Variants in ISL1 observed in about 807,000 individuals in gnomAD.
ISL1 encodes the protein ISL LIM homeobox 1.
In ISL1, 4 loss-of-function variants were observed where a neutral mutation model predicts 35.3. That is an observed-to-expected ratio of 0.11 (90% CI 0.06 to 0.26). The LOEUF (loss-of-function observed/expected upper bound fraction) is 0.26. ISL1 is among the 10% of genes least tolerant of loss of function. ISL1 has a pLI of 1.00. For missense variants in ISL1, 340 were observed against 472.8 expected, an observed-to-expected ratio of 0.72 and a Z score of 2.60; for synonymous variants, 186 against 172.3, an observed-to-expected ratio of 1.08 and a Z score of -0.62.
At chr5:51,391,483 A>T in intron 5 of ISL1, 42 bp downstream of exon 5, 2 of 1,607,996 alleles carry the variant, frequency 1.2e-6, no homozygotes, top group Non-Finnish European at 1.7e-6. Context: ...AATTCCCAAC[A>T]GGAGACTCTG....
chr5:51,384,406 A>G, intron 1 of ISL1, 135 bp from the exon 2 acceptor site: 5 of 686,562 alleles, frequency 7.3e-6, no homozygotes, highest in Non-Finnish European at 1.2e-5. Context: ...AATGCTCTAA[A>G]AAAAAAAAAA....
At position 51,390,636 on chromosome 5, in the gene ISL1, C is replaced by CCTTTTT. The variant is rs1747475980; in HGVS notation, c.766-638_766-637insCTTTTT. Among the ~76,000 whole-genome samples, 84 of 74,314 alleles carry CCTTTTT rather than the reference C, an allele frequency of 1.1e-3. 2 individuals are homozygous for CCTTTTT. Among genetic ancestry groups the CCTTTTT allele is most frequent in the African/African-American group, 3.4e-3 (81 of 23,660 alleles). The allele number at this position is 74,314 out of a possible 152,430, so 48.8% of individuals were successfully genotyped here. Reference sequence around the variant, plus strand: ...TTTTCTTCCTTTTTTTCTTTTCTTTCTTTTTCTTTTTTTTTTTTTTTTTTT... The same window carrying CCTTTTT: ...TTTTCTTCCTTTTTTTCTTTTCTTTCCTTTTTTTTTTCTTTTTTTTTTTTTTTTTTT... On this transcript the variant is annotated intron_variant, in intron 4 of 5. Coordinates refer to ENST00000230658, the MANE Select transcript of ISL1 (RefSeq NM_002202.3).
In ISL1 at chr5:51,387,661, A is replaced by C; in HGVS notation, c.390A>C (p.Arg130=). 6.2e-7 allele frequency: 1 copy of C among 1,614,188 alleles called. No homozygotes were observed. The highest frequency in any genetic ancestry group is 8.5e-7 in the Non-Finnish European group (1 of 1,180,042). Residue 130 remains arginine, a synonymous_variant, in exon 3 of 6, where the codon CGA becomes CGC. Coordinates refer to ENST00000230658, the MANE Select transcript of ISL1 (RefSeq NM_002202.3). The surrounding 1 kb of genome is among the most constrained non-coding windows in gnomAD (Gnocchi z 4.3). The part of the protein sequence containing the change: ...FALREDGLFC[R]ADHDVVERAS... ...TTCGGGAGGACGGTCTCTTCTGCCG[A>C]GCAGACCACGATGTGGTGGAGAGGG...
rs1281679015 is a variant in ISL1 at position 51,383,603 on chromosome 5, C to T, written c.-69C>T. On this transcript the variant is annotated 5_prime_UTR_variant, in exon 1 of 6. Transcript: ENST00000230658. The stretch of plus-strand genomic sequence containing the variant: ...TCCCACTTAGCCACAGCTCCAGCAT[C>T]CTCTCTGTGGGCTGTTCACCAACTG... 5 of 1,286,916 alleles carry T rather than the reference C, an allele frequency of 3.9e-6. No homozygotes were observed. Among genetic ancestry groups the T allele is most frequent in the South Asian group, 1.2e-5 (1 of 84,518 alleles). 79.7% of individuals were successfully genotyped at this position (1,286,916 alleles called of 1,614,324 possible). A position where few individuals can be genotyped will look rare whatever the true frequency, so the allele number is the denominator to read the frequency against.
rs1580725951 is a variant in ISL1 at position 51,383,755 on chromosome 5, C to G, written c.28+56C>G. 8.2e-6 allele frequency: 12 copies of G among 1,464,656 alleles called. No individual in the cohort carries two copies. The South Asian group carries it at 1.4e-4, about 17-fold the overall frequency. The allele number at this position is 1,464,656 out of a possible 1,614,324, so 90.7% of individuals were successfully genotyped here. Reference sequence around the variant, plus strand: ...GTGTGCTGTTCTTGTGCGGGGTTCTCTCTCAGGCACAGGCTGAGGTGCCAA... The same window carrying G: ...GTGTGCTGTTCTTGTGCGGGGTTCTGTCTCAGGCACAGGCTGAGGTGCCAA... On this transcript the variant is annotated intron_variant, in intron 1 of 5. Coordinates refer to ENST00000230658, the MANE Select transcript of ISL1 (RefSeq NM_002202.3).
Position 51,389,891 on chromosome 5 carries a change from A to C in ISL1, c.724A>C (p.Met242Leu). 1 of 1,614,052 alleles carries C rather than the reference A, an allele frequency of 6.2e-7. No individual in the cohort carries two copies. The highest frequency in any genetic ancestry group is 2.2e-5 in the East Asian group (1 of 44,882). The part of the protein sequence containing the change: ...KRCKDKKRSI[M>L]MKQLQQQQPN... ...GTGCAAGGACAAGAAGCGAAGCATC[A>C]TGATGAAGCAACTCCAGCAGCAGCA... The change falls in exon 4 of 6, where the codon ATG (methionine) becomes CTG (leucine). Residue 242 changes from methionine to leucine, a missense_variant. Met to Leu is a conservative substitution (Grantham distance 15). Around this residue, in one of 7 missense-constraint regions of ISL1, gnomAD observed 25 missense variants for 43.2 expected, o/e 0.58. Transcript: ENST00000230658. This position sits in a 1 kb window ranked among gnomAD's most constrained non-coding sequence, Gnocchi z 5.0.
rs1360595769 is a variant in ISL1, at chr5:51,389,456, C to T, written c.479-190C>T. On this transcript the variant is annotated intron_variant, in intron 3 of 5. Coordinates refer to ENST00000230658, the MANE Select transcript of ISL1 (RefSeq NM_002202.3). The surrounding 1 kb of genome is among the most constrained non-coding windows in gnomAD (Gnocchi z 5.0). ...TATTCTCCCTTTCACCCTCTTCGCC[C>T]CCACCTCTGCCGCCCCCTGCTTTGT... Among the ~76,000 whole-genome samples the T allele has an allele frequency of 2.0e-5, 3 of 152,024 alleles. No individual in the cohort carries two copies. Among genetic ancestry groups the T allele is most frequent in the African/African-American group, 7.2e-5 (3 of 41,400 alleles).
At position 51,387,475 on chromosome 5, in the gene ISL1, C is replaced by A. The variant is rs17847230; in HGVS notation, c.219-15C>A. The A allele has an allele frequency of 6.2e-7, 1 of 1,613,676 alleles. No individual in the cohort carries two copies. Among genetic ancestry groups the A allele is most frequent in the Non-Finnish European group, 8.5e-7 (1 of 1,179,834 alleles). On this transcript the variant is annotated splice_polypyrimidine_tract_variant and intron_variant, in intron 2 of 5. Coordinates refer to ENST00000230658, the MANE Select transcript of ISL1 (RefSeq NM_002202.3). The surrounding 1 kb of genome is among the most constrained non-coding windows in gnomAD (Gnocchi z 4.3). ...CCCGCTCTGGGCCGCCTCCGCTCCC[C>A]CCTCCCCCGCACAGGTTGTACGGGA... is the stretch of plus-strand genomic sequence containing the variant.
In ISL1 at chr5:51,389,252, G is replaced by C. The variant is rs1016778135; in HGVS notation, c.479-394G>C. 6.6e-6 allele frequency among the ~76,000 whole-genome samples: 1 copy of C among 152,088 alleles called. No homozygotes were observed. Among genetic ancestry groups the C allele is most frequent in the African/African-American group, 2.4e-5 (1 of 41,410 alleles). ...AACTGGGGCCCAGTCTGGGCACAAG[G>C]AAAGGTGAGAATGGAGGAGAAACAG... On this transcript the variant is annotated intron_variant, in intron 3 of 5. Coordinates refer to ENST00000230658, the MANE Select transcript of ISL1 (RefSeq NM_002202.3). The surrounding 1 kb of genome is among the most constrained non-coding windows in gnomAD (Gnocchi z 5.0).
At position 51,387,965 on chromosome 5, in the gene ISL1, CTG is replaced by C. The variant is rs537949421; in HGVS notation, c.478+222_478+223del. 2.0e-5 allele frequency among the ~76,000 whole-genome samples: 3 copies of C among 152,396 alleles called. No individual in the cohort carries two copies. In the South Asian group the frequency reaches 6.2e-4, roughly 32 times the overall value. On this transcript the variant is annotated intron_variant, in intron 3 of 5. Transcript: ENST00000230658. This position sits in a 1 kb window ranked among gnomAD's most constrained non-coding sequence, Gnocchi z 4.3. ...GATTCCCCGAGCACACCTACACCGT[CTG>C]TGTGTCTCTATATGGTTACACATAA...
At position 51,389,526 on chromosome 5, in the gene ISL1, C is replaced by A. The variant is rs956387195; in HGVS notation, c.479-120C>A. On this transcript the variant is annotated intron_variant, in intron 3 of 5. Coordinates refer to ENST00000230658, the MANE Select transcript of ISL1 (RefSeq NM_002202.3). The surrounding 1 kb of genome is among the most constrained non-coding windows in gnomAD (Gnocchi z 5.0). ...TAGCCATTGTCCTGAGTATCTCGGG[C>A]GGGCGAGCAAGTAAGCGGGCGGGCG... 1 of 828,466 alleles carries A rather than the reference C, an allele frequency of 1.2e-6. No individual in the cohort carries two copies. The highest frequency in any genetic ancestry group is 6.0e-5 in the Admixed American group (1 of 16,572). 51.3% of individuals were successfully genotyped at this position (828,466 alleles called of 1,614,324 possible). A position where few individuals can be genotyped will look rare whatever the true frequency, so the allele number is the denominator to read the frequency against.
chr5:51,389,725 T>G lies in ISL1; in HGVS notation c.558T>G (p.Thr186=), dbSNP rs1747441557. 3.1e-6 allele frequency: 5 copies of G among 1,614,110 alleles called. No individual in the cohort carries two copies. Among genetic ancestry groups the G allele is most frequent in the Non-Finnish European group, 4.2e-6 (5 of 1,180,042 alleles). Residue 186 remains threonine (T), a synonymous_variant, in exon 4 of 6, where the codon ACT becomes ACG. Coordinates refer to ENST00000230658, the MANE Select transcript of ISL1 (RefSeq NM_002202.3). This position sits in a 1 kb window ranked among gnomAD's most constrained non-coding sequence, Gnocchi z 5.0. ...CGGAGAAGACCACCCGCGTGCGGAC[T>G]GTGCTGAACGAGAAGCAGCTGCACA... ...KQPEKTTRVR[T]VLNEKQLHTL...
chr5:51,391,677 C>T (rs1747519124), intron 5 of ISL1, among the ~76,000 whole-genome samples: 1 of 151,734 alleles, frequency 6.6e-6, no homozygotes, highest in Admixed American at 6.6e-5. Flanking sequence ...AATTTTCTAT[C>T]AATCAGGCCT....
Position 51,389,598 on chromosome 5 carries a change from G to C in ISL1, c.479-48G>C, listed in dbSNP as rs555492328. On this transcript the variant is annotated intron_variant, in intron 3 of 5. Transcript: ENST00000230658. The surrounding 1 kb of genome is among the most constrained non-coding windows in gnomAD (Gnocchi z 5.0). Reference sequence around the variant, plus strand: ...GCGAGCGCGCGACCGCGGGCGGGCCGGCAAGCGAGCCTCCAGCCCAGCGCT... The same window carrying C: ...GCGAGCGCGCGACCGCGGGCGGGCCCGCAAGCGAGCCTCCAGCCCAGCGCT... 6 of 1,460,048 alleles carry C rather than the reference G, an allele frequency of 4.1e-6. No individual in the cohort carries two copies. The highest frequency in any genetic ancestry group is 5.4e-6 in the Non-Finnish European group (6 of 1,111,486). The allele number at this position is 1,460,048 out of a possible 1,614,324, so 90.4% of individuals were successfully genotyped here.
chr5:51,389,558 C>G lies in ISL1; in HGVS notation c.479-88C>G, dbSNP rs1057369429. On this transcript the variant is annotated intron_variant, in intron 3 of 5. Transcript: ENST00000230658. This position sits in a 1 kb window ranked among gnomAD's most constrained non-coding sequence, Gnocchi z 5.0. ...GCAAGTAAGCGGGCGGGCGGGCGGGCAAGCGAGCGAGCGAGCGAGCGCGCG... is the reference window on the plus strand; with the variant it reads ...GCAAGTAAGCGGGCGGGCGGGCGGGGAAGCGAGCGAGCGAGCGAGCGCGCG... 1.6e-6 allele frequency: 2 copies of G among 1,219,556 alleles called. No homozygotes were observed. The highest frequency in any genetic ancestry group is 6.3e-5 in the East Asian group (2 of 31,734). The allele number at this position is 1,219,556 out of a possible 1,614,324, so 75.5% of individuals were successfully genotyped here.
chr5:51,386,006 G>A (rs1423292316), intron 2 of ISL1, among the ~76,000 whole-genome samples: 2 of 151,966 alleles, frequency 1.3e-5, no homozygotes, highest in African/African-American at 4.8e-5. Context: ...TTAATACTTC[G>A]GAGAGGGAGT....
At chr5:51,392,092 T>C (rs1747528144) in intron 5 of ISL1, among the ~76,000 whole-genome samples, 1 of 152,086 alleles carries the variant, frequency 6.6e-6, no homozygotes, top group Admixed American at 6.5e-5. Context: ...AGTTCAAATG[T>C]CATAGAGACA....
At position 51,384,415 on chromosome 5, in the gene ISL1, A is replaced by AAAAAGAAAG. The variant is rs370134585; in HGVS notation, c.29-123_29-122insAGAAAGAAA. ...AAGTGCAATGCTCTAAAAAAAAAAAAAAAGAAAGAAAGAAAGAAAGAAAAA... is the reference window on the plus strand; with the variant it reads ...AAGTGCAATGCTCTAAAAAAAAAAAAAAAAGAAAGAAAGAAAGAAAGAAAGAAAGAAAAA... On this transcript the variant is annotated intron_variant, in intron 1 of 5. Coordinates refer to ENST00000230658, the MANE Select transcript of ISL1 (RefSeq NM_002202.3). 6.4e-6 allele frequency: 5 copies of AAAAAGAAAG among 783,094 alleles called. No homozygotes were observed. In the African/African-American group the frequency reaches 7.3e-5, roughly 11 times the overall value. 48.5% of individuals were successfully genotyped at this position (783,094 alleles called of 1,614,324 possible).
chr5:51,391,502 G>A (rs1186231104), intron 5 of ISL1, 61 bp downstream of exon 5: 5 of 1,584,260 alleles, frequency 3.2e-6, no homozygotes, highest in South Asian at 1.1e-5. Flanking sequence ...TGGTTTAACT[G>A]TCACACATTG....
Sources: gnomAD v4.1 joint callset for allele counts (sites outside exome capture counted in the v4.1 genomes callset) on GRCh38, gnomAD v4.1.1 for gene constraint, gnomAD v4.1.1 regional missense constraint, Gnocchi (gnomAD v3.1) non-coding constraint, MANE v1.5 for transcripts, NCBI Gene and HGNC (gene_info 2026-07-23, HGNC 2026-07-21) for gene names.